CEP170B: variants seen among roughly 807,000 people sequenced by gnomAD.
The protein encoded by CEP170B is centrosomal protein 170B.
In CEP170B, 55 loss-of-function variants were observed where a neutral mutation model predicts 120.6. The observed-to-expected ratio is 0.46, with a 90% CI of 0.37 to 0.57. The LOEUF is 0.57. CEP170B is among the 20% of genes least tolerant of loss of function. CEP170B has a pLI of 0.00. For synonymous variants in CEP170B, 1,033 were observed against 954.5 expected, an observed-to-expected ratio of 1.08 and a Z score of -1.52; for missense variants, 2,212 against 2,253.3, an observed-to-expected ratio of 0.98 and a Z score of 0.37.
chr14:104,871,727 G>T (rs1034388400), intron 2 of CEP170B, among the ~76,000 whole-genome samples: 3 of 152,202 alleles, frequency 2.0e-5, no homozygotes, highest in African/African-American at 4.8e-5. Context: ...AGCAGCAGGA[G>T]TTGGGGCCGG....
chr14:104,879,252 T>G (rs1019641952), intron 5 of CEP170B, among the ~76,000 whole-genome samples: 6 of 152,090 alleles, frequency 3.9e-5, no homozygotes, highest in Admixed American at 3.3e-4. Flanking sequence ...GCTCGGGGGA[T>G]TTGAGGATCT....
intron 3 of CEP170B, 50 bp from the exon 4 acceptor site, chr14:104,877,832 AGCC>A: frequency 3.3e-6 from 1 of 307,622 alleles, no homozygotes. Context: ...CCCTGCCCAC[AGCC>A]ACCCACCCGC....
intron 15 of CEP170B, 45 bp downstream of exon 15, chr14:104,893,711 G>A (rs759202892): frequency 6.3e-7 from 1 of 1,586,446 alleles, no homozygotes; most frequent in Non-Finnish European, 8.6e-7. Flanking sequence ...GGGGGGAGCA[G>A]GGGCGGGGCT....
chr14:104,868,459 C>T lies in CEP170B; in HGVS notation c.9C>T (p.Ala3=), dbSNP rs576696102. Residue 3 remains alanine, a synonymous_variant, in exon 2 of 19, where the codon GCC becomes GCT. Transcript: ENST00000414716. This position sits in a 1 kb window ranked among gnomAD's most constrained non-coding sequence, Gnocchi z 5.9. MS[A]TSWFLVSSSG... ...GCCCAGCCAGCACCAAGATGAGTGC[C>T]ACGTCCTGGTTCCTGGTGAGCAGCA... 6.5e-7 allele frequency: 1 copy of T among 1,548,672 alleles called. No homozygotes were observed. The highest frequency in any genetic ancestry group is 2.0e-5 in the Admixed American group (1 of 50,980).
intron 3 of CEP170B, 127 bp downstream of exon 3, chr14:104,876,472 G>T: frequency 1.2e-6 from 1 of 803,874 alleles, no homozygotes; most frequent in East Asian, 2.8e-5. Flanking sequence ...CTCCCTCTCA[G>T]TTCTGCCTCC....
At chr14:104,883,779 A>G in intron 8 of CEP170B, 52 bp from the exon 9 acceptor site, 1 of 1,457,554 alleles carries the variant, frequency 6.9e-7, no homozygotes, top group Non-Finnish European at 9.2e-7. Flanking sequence ...TGAGATCGAC[A>G]GCTGTTTCCT....
At chr14:104,889,156 C>A (rs747299017) in intron 12 of CEP170B, among the ~76,000 whole-genome samples, 1 of 152,178 alleles carries the variant, frequency 6.6e-6, no homozygotes, top group Non-Finnish European at 1.5e-5. Context: ...GCCTGGGCCG[C>A]AGCAGGTCCT....
In CEP170B at chr14:104,894,279, G is replaced by C; in HGVS notation, c.4272-6G>C. ...CCCCATTTCTGCCTCCCCCTACCTC[G>C]GACAGGATCCTCTTTCAGAACACAG... On this transcript the variant is annotated splice_region_variant and splice_polypyrimidine_tract_variant and intron_variant, in intron 16 of 18. Transcript: ENST00000414716. 6.2e-7 allele frequency: 1 copy of C among 1,611,794 alleles called. No individual in the cohort carries two copies. Among genetic ancestry groups the C allele is most frequent in the Non-Finnish European group, 8.5e-7 (1 of 1,178,304 alleles).
Position 104,884,245 on chromosome 14 carries a change from C to T in CEP170B, c.1466C>T (p.Pro489Leu), listed in dbSNP as rs1196924637. The change falls in exon 9 of 19, where the codon CCC becomes CTC. Residue 489 changes from proline to leucine, a missense_variant. By Grantham distance (98) the Pro-to-Leu change is moderately conservative. Coordinates refer to ENST00000414716, the MANE Select transcript of CEP170B (RefSeq NM_001112726.3). ...PSPASRTPAR[P>L]FGSVGRRSRL... ...CCCGCCTCCCGAACCCCTGCCCGCC[C>T]CTTCGGAAGCGTGGGGCGCCGCTCC... 16 of 1,544,556 alleles carry T rather than the reference C, an allele frequency of 1.0e-5. No homozygotes were observed. The Admixed American group carries it at 3.1e-4, about 30-fold the overall frequency.
At chr14:104,889,304 G>A (rs748532678) in intron 12 of CEP170B, among the ~76,000 whole-genome samples, 2 of 151,716 alleles carry the variant, frequency 1.3e-5, no homozygotes, top group Non-Finnish European at 2.9e-5. Context: ...CGCCTTCCCC[G>A]CATGTGCCCT....
intron 10 of CEP170B, among the ~76,000 whole-genome samples, 185 bp downstream of exon 10, chr14:104,885,727 T>C (rs1237302707): frequency 6.6e-6 from 1 of 151,998 alleles, no homozygotes; most frequent in Non-Finnish European, 1.5e-5. Flanking sequence ...GGCCCACTGT[T>C]GATTTGAGGT....
chr14:104,894,733 C>T lies in CEP170B; in HGVS notation c.4440C>T (p.Pro1480=). Residue 1480 remains proline, a synonymous_variant, in exon 19 of 19, where the codon CCC becomes CCT. Transcript: ENST00000414716. ...CAGTTATCAATGCCATCGTGGACCC[C>T]AGTGGGAGCCTGGACCTGCTCACAG... The part of the protein sequence containing the change: ...QLEVINAIVD[P]SGSLDLLTGN... 6.3e-7 allele frequency: 1 copy of T among 1,590,486 alleles called. No individual in the cohort carries two copies. The highest frequency in any genetic ancestry group is 8.6e-7 in the Non-Finnish European group (1 of 1,167,342).
At chr14:104,880,633 A>C in intron 6 of CEP170B, among the ~76,000 whole-genome samples, 1 of 141,236 alleles carries the variant, frequency 7.1e-6, no homozygotes, top group Non-Finnish European at 1.5e-5. Context: ...TTCCTCACCC[A>C]TTGCACACAC....
intron 6 of CEP170B, 61 bp from the exon 7 acceptor site, chr14:104,882,667 C>G (rs1432006331): frequency 7.2e-7 from 1 of 1,387,728 alleles, no homozygotes; most frequent in African/African-American, 1.4e-5. Context: ...GCTGCCAGTT[C>G]TCTGCTTTTC....
Position 104,884,180 on chromosome 14 carries a change from C to G in CEP170B, c.1401C>G (p.Leu467=), listed in dbSNP as rs1188881166. Residue 467 remains leucine, a synonymous_variant, in exon 9 of 19, where the codon CTC becomes CTG. Transcript: ENST00000414716. ...CGGGGCCACAGAGGGCCGGCTCGCT[C>G]AAGCGGGAGAAGACAGAGGAACGGC... The part of the protein sequence containing the change: ...RSSGPQRAGS[L]KREKTEERLG... 1 of 1,546,776 alleles carries G rather than the reference C, an allele frequency of 6.5e-7. No homozygotes were observed. Among genetic ancestry groups the G allele is most frequent in the Non-Finnish European group, 8.7e-7 (1 of 1,148,202 alleles).
At chr14:104,875,120 C>T (rs965685965) in intron 2 of CEP170B, among the ~76,000 whole-genome samples, 2 of 152,148 alleles carry the variant, frequency 1.3e-5, no homozygotes, top group Admixed American at 6.5e-5. Context: ...GTGGCCTGCA[C>T]GTGGCAGGCT....
Position 104,895,068 on chromosome 14 carries a change from G to A in CEP170B, c.*110G>A, listed in dbSNP as rs1442235088. The A allele has an allele frequency of 1.6e-6, 2 of 1,278,576 alleles. No homozygotes were observed. Among genetic ancestry groups the A allele is most frequent in the Admixed American group, 5.5e-5 (2 of 36,086 alleles). 79.2% of individuals were successfully genotyped at this position (1,278,576 alleles called of 1,614,324 possible). On this transcript the variant is annotated 3_prime_UTR_variant, in exon 19 of 19. Transcript: ENST00000414716. ...TGGTTCTCCCTGAAGACCCCCACAT[G>A]TGCCATATCCCTGTGGGCGGGTGCC...
At chr14:104,892,029 G>T (rs1896874603) in intron 13 of CEP170B, among the ~76,000 whole-genome samples, 1 of 152,144 alleles carries the variant, frequency 6.6e-6, no homozygotes, top group African/African-American at 2.4e-5. Flanking sequence ...GGTAGGGGTA[G>T]GGGGAGGGCC....
At chr14:104,881,651 C>T (rs1896162204) in intron 6 of CEP170B, among the ~76,000 whole-genome samples, 1 of 152,212 alleles carries the variant, frequency 6.6e-6, no homozygotes, top group African/African-American at 2.4e-5. Flanking sequence ...GTGCAGCCAG[C>T]TGGGCAGCCT....
Sources: allele counts gnomAD v4.1 joint callset (sites outside exome capture counted in the v4.1 genomes callset), GRCh38; gene constraint gnomAD v4.1.1; non-coding constraint Gnocchi (gnomAD v3.1); transcripts MANE v1.5; gene names NCBI Gene and HGNC (gene_info 2026-07-23, HGNC 2026-07-21).